Variants in CASK observed in about 807,000 individuals in gnomAD.
CASK encodes the protein calcium/calmodulin dependent serine protein kinase.
In CASK, 4 loss-of-function variants were observed where a neutral mutation model predicts 82.9. The observed-to-expected ratio is 0.05, with a 90% CI of 0.02 to 0.11. CASK has a LOEUF of 0.11. Among genes scored for constraint, CASK ranks in the 10% least tolerant of loss-of-function variants. CASK has a pLI of 1.00. For synonymous variants in CASK, 259 were observed against 253.5 expected, an observed-to-expected ratio of 1.02 and a Z score of -0.20; for missense variants, 358 against 720.9, an observed-to-expected ratio of 0.50 and a Z score of 5.76.
At chrX:41,853,942 T>C (rs2071314037) in intron 1 of CASK, among the ~76,000 whole-genome samples, 1 of 111,451 alleles carries the variant, frequency 9.0e-6, no homozygotes, top group Non-Finnish European at 1.9e-5. Flanking sequence ...TCCAATAAAA[T>C]CTGGGCAAAA....
At chrX:41,571,501 C>T (rs546063314) in intron 15 of CASK, among the ~76,000 whole-genome samples, 6 of 111,586 alleles carry the variant, frequency 5.4e-5, no homozygotes, top group African/African-American at 2.0e-4. Context: ...TGTAGTGATG[C>T]CCCTTCTCTC....
chrX:41,825,495 G>A (rs1443086453), intron 2 of CASK, among the ~76,000 whole-genome samples: 1 of 112,031 alleles, frequency 8.9e-6, no homozygotes, highest in African/African-American at 3.2e-5. Flanking sequence ...AGACTCAAAC[G>A]TTTTAAAATG....
chrX:41,591,931 G>A (rs959192441), intron 12 of CASK, among the ~76,000 whole-genome samples: 3 of 111,133 alleles, frequency 2.7e-5, no homozygotes, highest in African/African-American at 9.8e-5. Context: ...AATAATCTAA[G>A]TGAATACATA....
At chrX:41,646,372 A>T (rs186631937) in intron 8 of CASK, among the ~76,000 whole-genome samples, 134 of 111,299 alleles carry the variant, frequency 1.2e-3, no homozygotes, top group African/African-American at 4.3e-3. Context: ...TTAAAAAACA[A>T]TTGCTCCTCT....
Position 41,534,767 on chromosome X carries a change from T to C in CASK, c.2256A>G (p.Arg752=). ...TGATGAGAGTGTTTTTTATGTGTCT[T>C]CTCCCAACACCATGTGCGCCTATGT... is the stretch of plus-strand genomic sequence containing the variant. ...LVLLGAHGVG[R]RHIKNTLITK... is the part of the protein sequence containing the mutation. Residue 752 remains arginine (R), a synonymous_variant, in exon 24 of 27, where the codon AGA becomes AGG. Transcript: ENST00000378163. 8.3e-7 allele frequency: 1 copy of C among 1,207,365 alleles called. No homozygotes were observed. Among genetic ancestry groups the C allele is most frequent in the Non-Finnish European group, 1.1e-6 (1 of 891,816 alleles).
intron 1 of CASK, among the ~76,000 whole-genome samples, chrX:41,859,396 C>T (rs988990875): frequency 4.5e-5 from 5 of 111,575 alleles, no homozygotes; most frequent in Non-Finnish European, 9.4e-5. Flanking sequence ...CCCAAATCAA[C>T]AGTCATGGCA....
chrX:41,562,546 A>G (rs970917918), intron 16 of CASK: 8 of 112,354 alleles, frequency 7.1e-5, no homozygotes, highest in South Asian at 7.3e-4. Context: ...TCTGACCACA[A>G]TGTAATTAAG....
At chrX:41,906,419 C>G (rs1224516329) in intron 1 of CASK, among the ~76,000 whole-genome samples, 1 of 112,264 alleles carries the variant, frequency 8.9e-6, no homozygotes, top group Non-Finnish European at 1.9e-5. Context: ...GCATAAGTAC[C>G]CTTAAATAAT....
At chrX:41,615,502 C>T (rs2066178850) in intron 11 of CASK, among the ~76,000 whole-genome samples, 1 of 112,043 alleles carries the variant, frequency 8.9e-6, no homozygotes, top group Non-Finnish European at 1.9e-5. Context: ...TTCTAAACTT[C>T]TGGACTTATG....
At chrX:41,540,160 C>A (rs996644242) in intron 22 of CASK, among the ~76,000 whole-genome samples, 10 of 111,850 alleles carry the variant, frequency 8.9e-5, no homozygotes, top group Non-Finnish European at 1.7e-4. Flanking sequence ...GATGCCCAGA[C>A]GGCCGCTGGT....
chrX:41,539,448 T>C lies in CASK; in HGVS notation c.2155+3243A>G, dbSNP rs148788152. On this transcript the variant is annotated intron_variant, in intron 22 of 26. Transcript: ENST00000378163. The stretch of plus-strand genomic sequence containing the variant: ...ACAGCCCTTATTTTAATTTACTGAG[T>C]AGTAACAGAAGAACAGAGTACTGTA... Among the ~76,000 whole-genome samples the C allele has an allele frequency of 6.9e-3, 775 of 111,824 alleles. 4 individuals carry two copies. The highest frequency in any genetic ancestry group is 0.011 in the Non-Finnish European group (579 of 53,136).
At chrX:41,655,531 G>A (rs1036345495) in intron 8 of CASK, among the ~76,000 whole-genome samples, 32 of 111,709 alleles carry the variant, frequency 2.9e-4, no homozygotes, top group African/African-American at 9.8e-4. Flanking sequence ...GGATGGCAGC[G>A]CCCAGAATAG....
chrX:41,678,765 ATATTG>A (rs1227791602), intron 5 of CASK, among the ~76,000 whole-genome samples: 2 of 111,848 alleles, frequency 1.8e-5, no homozygotes, highest in African/African-American at 6.5e-5. Context: ...TGAAAGAATT[ATATTG>A]TAAAGAGCCA....
chrX:41,606,609 T>C (rs1483887431), intron 12 of CASK, among the ~76,000 whole-genome samples: 1 of 111,450 alleles, frequency 9.0e-6, no homozygotes, highest in Non-Finnish European at 1.9e-5. Context: ...TGCATGCAAA[T>C]ATTGTCCAGG....
chrX:41,918,690 A>C (rs1478538020), intron 1 of CASK, among the ~76,000 whole-genome samples: 1 of 112,834 alleles, frequency 8.9e-6, no homozygotes, highest in African/African-American at 3.2e-5. Flanking sequence ...AGTGCATAGA[A>C]GATAAAATCC....
intron 1 of CASK, among the ~76,000 whole-genome samples, chrX:41,864,217 C>T (rs983658892): frequency 2.7e-5 from 3 of 111,325 alleles, no homozygotes; most frequent in Admixed American, 9.5e-5. Flanking sequence ...GTCACCAATA[C>T]GCCTCTCTCT....
intron 5 of CASK, chrX:41,696,327 T>A (rs2067688467): frequency 6.0e-6 from 7 of 1,173,324 alleles, no homozygotes; most frequent in Non-Finnish European, 8.0e-6. Flanking sequence ...GCTAATTTTC[T>A]TACTAATAAT....
chrX:41,574,187 C>T (rs941932324), intron 15 of CASK, among the ~76,000 whole-genome samples: 2 of 110,900 alleles, frequency 1.8e-5, no homozygotes, highest in African/African-American at 6.6e-5. Context: ...AGTACTCTGT[C>T]CTATGAACTC....
intron 1 of CASK, among the ~76,000 whole-genome samples, chrX:41,899,462 T>G (rs769407135): frequency 5.4e-5 from 6 of 111,368 alleles, no homozygotes; most frequent in Non-Finnish European, 1.1e-4. Context: ...TTCTGTTTTG[T>G]AGTTCCTTTG....
Sources: gnomAD v4.1 joint callset for allele counts (sites outside exome capture counted in the v4.1 genomes callset) on GRCh38, gnomAD v4.1.1 for gene constraint, MANE v1.5 for transcripts, NCBI Gene and HGNC (gene_info 2026-07-23, HGNC 2026-07-21) for gene names.